Variants in OSBP2 observed in about 807,000 individuals in gnomAD.
OSBP2 encodes the protein oxysterol-binding protein 2.
Under a neutral mutation model 96.0 loss-of-function variants are expected in OSBP2, and 66 were observed. The ratio of observed to expected loss-of-function variants is 0.69; its 90% confidence interval spans 0.56 to 0.84. The LOEUF (loss-of-function observed/expected upper bound fraction) is 0.84, where lower values mean the gene tolerates loss of function less well. Among genes scored for constraint, OSBP2 ranks in the 40% least tolerant of loss-of-function variants. The pLI is 0.00. For synonymous variants in OSBP2, 525 were observed against 520.9 expected (o/e 1.01, Z -0.11); for missense variants, 1,038 against 1,222.7 (o/e 0.85, Z 2.25).
chr22:30,824,266 G>A (rs921366662), intron 2 of OSBP2, among the ~76,000 whole-genome samples: 3 of 152,200 alleles, frequency 2.0e-5, no homozygotes, highest in African/African-American at 7.2e-5. Flanking sequence ...AGGCGGCTCA[G>A]GAAGTTGTGT....
chr22:30,823,539 C>T (rs1471430092), intron 2 of OSBP2, among the ~76,000 whole-genome samples: 1 of 152,258 alleles, frequency 6.6e-6, no homozygotes, highest in Non-Finnish European at 1.5e-5. Context: ...TCAGCACTCT[C>T]TGATCTGTAA....
chr22:30,800,802 G>A (rs1197700993), intron 2 of OSBP2, among the ~76,000 whole-genome samples: 2 of 152,186 alleles, frequency 1.3e-5, no homozygotes. Context: ...AAATCTTGCT[G>A]TGTGGCTTGG....
chr22:30,784,112 C>T (rs2090555491), intron 2 of OSBP2, among the ~76,000 whole-genome samples: 1 of 152,020 alleles, frequency 6.6e-6, no homozygotes, highest in Admixed American at 6.6e-5. Flanking sequence ...AGATACAAAT[C>T]CTAGATTTTC....
At chr22:30,783,004 T>C (rs931737760) in intron 2 of OSBP2, among the ~76,000 whole-genome samples, 4 of 151,982 alleles carry the variant, frequency 2.6e-5, no homozygotes, top group African/African-American at 9.7e-5. Context: ...GATTGTATGT[T>C]TTCTCAGACA....
At chr22:30,840,527 CAGTT>C (rs923002050) in intron 2 of OSBP2, among the ~76,000 whole-genome samples, 7 of 152,098 alleles carry the variant, frequency 4.6e-5, no homozygotes, top group South Asian at 2.1e-4. Flanking sequence ...GGTAAAATCT[CAGTT>C]AGCCACTTGA....
chr22:30,717,450 A>G (rs2089481226), intron 1 of OSBP2, among the ~76,000 whole-genome samples: 1 of 152,184 alleles, frequency 6.6e-6, no homozygotes, highest in Non-Finnish European at 1.5e-5. Context: ...AAAAACGCCT[A>G]CACTAAGGGG....
intron 2 of OSBP2, among the ~76,000 whole-genome samples, chr22:30,755,458 G>A (rs928010026): frequency 1.3e-5 from 2 of 152,190 alleles, no homozygotes; most frequent in Non-Finnish European, 2.9e-5. Flanking sequence ...ATGAGGAAGG[G>A]CATGGAGTTT....
In OSBP2 at chr22:30,741,227, G is replaced by A. The variant is rs1418346246; in HGVS notation, c.711G>A (p.Thr237=). 6.8e-6 allele frequency: 11 copies of A among 1,614,034 alleles called. No homozygotes were observed. The highest frequency in any genetic ancestry group is 4.5e-5 in the East Asian group (2 of 44,896). The change falls in exon 2 of 14, where the codon ACG becomes ACA. Residue 237 remains threonine (T), a synonymous_variant. Transcript: ENST00000332585. ...TINLSTAHID[T]EDSCGILLTS... ...ACCTGTCCACCGCGCACATTGACAC[G>A]GAGGACTCTTGTGGTATCTTGCTGA... is the stretch of plus-strand genomic sequence containing the variant.
At chr22:30,857,800 C>T (rs968042659) in intron 2 of OSBP2, among the ~76,000 whole-genome samples, 1 of 152,220 alleles carries the variant, frequency 6.6e-6, no homozygotes, top group African/African-American at 2.4e-5. Context: ...TCGGAGTAAA[C>T]TAAGGAGGCC....
chr22:30,892,530 CTGGGCCCCA>C (rs1364120836), intron 8 of OSBP2, among the ~76,000 whole-genome samples: 1 of 152,048 alleles, frequency 6.6e-6, no homozygotes, highest in Non-Finnish European at 1.5e-5. Flanking sequence ...AGAGGGAAGC[CTGGGCCCCA>C]CAGCCAGAGC....
intron 5 of OSBP2, among the ~76,000 whole-genome samples, chr22:30,888,589 A>G (rs1034047894): frequency 3.3e-5 from 5 of 152,148 alleles, no homozygotes; most frequent in African/African-American, 1.2e-4. Context: ...CTAGCCAGGC[A>G]TGGTAGTGCA....
chr22:30,763,743 A>G (rs926413657), intron 2 of OSBP2, among the ~76,000 whole-genome samples: 4 of 152,076 alleles, frequency 2.6e-5, no homozygotes, highest in African/African-American at 7.2e-5. Flanking sequence ...TGGGCAGTCT[A>G]TATACTAAAA....
At position 30,870,707 on chromosome 22, in the gene OSBP2, G is replaced by A. The variant is rs1317787818; in HGVS notation, c.1107+25G>A. 6.2e-7 allele frequency: 1 copy of A among 1,603,500 alleles called. No individual in the cohort carries two copies. The highest frequency in any genetic ancestry group is 1.1e-5 in the South Asian group (1 of 90,776). On this transcript the variant is annotated intron_variant, in intron 3 of 13. Coordinates refer to ENST00000332585, the MANE Select transcript of OSBP2 (RefSeq NM_030758.4). This position sits in a 1 kb window ranked among gnomAD's most constrained non-coding sequence, Gnocchi z 4.1. ...CGTGAGTACCCACCCCCACCGCCCT[G>A]GCACGGGGCTCCCTGGCTCCAGCCC...
chr22:30,873,387 G>C (rs758322539), intron 3 of OSBP2, among the ~76,000 whole-genome samples: 5 of 152,146 alleles, frequency 3.3e-5, no homozygotes, highest in Non-Finnish European at 7.4e-5. Context: ...GTGAGTCCCT[G>C]GAGTGTCTTA....
intron 2 of OSBP2, among the ~76,000 whole-genome samples, chr22:30,841,743 C>G (rs1034010222): frequency 2.6e-5 from 4 of 152,186 alleles, no homozygotes; most frequent in Admixed American, 6.5e-5. Flanking sequence ...GCTCACACCT[C>G]TCATTGCAGT....
chr22:30,829,495 G>A (rs2038478130), intron 2 of OSBP2, among the ~76,000 whole-genome samples: 2 of 152,158 alleles, frequency 1.3e-5, no homozygotes, highest in Non-Finnish European at 2.9e-5. Context: ...GTTTCCCCAT[G>A]TTGGCCAGAC....
At chr22:30,695,883 C>T (rs1602134141) in intron 1 of OSBP2, among the ~76,000 whole-genome samples, 1 of 152,152 alleles carries the variant, frequency 6.6e-6, no homozygotes, top group Admixed American at 6.6e-5. Flanking sequence ...GAGTCAGCCC[C>T]TCAAAGTCCT....
chr22:30,887,575 T>C lies in OSBP2; in HGVS notation c.1257T>C (p.Ser419=). ...QHNSLERAFH[S]APGRPANPSK... is the part of the protein sequence containing the mutation. ...ACAGCCTCGAGCGGGCCTTCCACAG[T>C]GCCCCTGGCCGGCCGGCCAACCCCT... The change falls in exon 4 of 14, where the codon AGT becomes AGC. Residue 419 remains serine, a synonymous_variant. Coordinates refer to ENST00000332585, the MANE Select transcript of OSBP2 (RefSeq NM_030758.4). 1 of 1,612,478 alleles carries C rather than the reference T, an allele frequency of 6.2e-7. No individual in the cohort carries two copies. The highest frequency in any genetic ancestry group is 8.5e-7 in the Non-Finnish European group (1 of 1,179,600).
At chr22:30,850,248 A>C (rs991092230) in intron 2 of OSBP2, among the ~76,000 whole-genome samples, 2 of 150,342 alleles carry the variant, frequency 1.3e-5, no homozygotes, top group Non-Finnish European at 3.0e-5. Context: ...CGGAGGTTGC[A>C]GTGAGCTGAG....
Sources: allele counts gnomAD v4.1 joint callset (sites outside exome capture counted in the v4.1 genomes callset), GRCh38; gene constraint gnomAD v4.1.1; non-coding constraint Gnocchi (gnomAD v3.1); transcripts MANE v1.5; gene names NCBI Gene and HGNC (gene_info 2026-07-23, HGNC 2026-07-21).